MARK2: variants seen among roughly 807,000 people sequenced by gnomAD.
The protein encoded by MARK2 is microtubule affinity regulating kinase 2.
Under a neutral mutation model 89.8 loss-of-function variants are expected in MARK2, and 16 were observed. The observed-to-expected ratio is 0.18, with a 90% CI of 0.12 to 0.27. The LOEUF (loss-of-function observed/expected upper bound fraction) is 0.27, where lower values mean the gene tolerates loss of function less well. MARK2 is among the 10% of genes least tolerant of loss of function. The pLI is 1.00. For missense variants in MARK2, 621 were observed against 1,049.9 expected (o/e 0.59, Z 5.65); for synonymous variants, 382 against 399.5 (o/e 0.96, Z 0.52).
At chr11:63,850,475 T>C (rs1295448317) in intron 1 of MARK2, among the ~76,000 whole-genome samples, 4 of 151,988 alleles carry the variant, frequency 2.6e-5, no homozygotes, top group Non-Finnish European at 5.9e-5. Context: ...CCTAGTTTGC[T>C]TTTTTACCAA....
chr11:63,900,714 G>A lies in MARK2; in HGVS notation c.888+36G>A. The A allele has an allele frequency of 1.2e-6, 2 of 1,613,686 alleles. No individual in the cohort carries two copies. The highest frequency in any genetic ancestry group is 1.7e-6 in the Non-Finnish European group (2 of 1,179,630). ...GAGCCCAACTGGCGGAAGGGCCTGG[G>A]GTCCCCACAGAAACTTTCCAGCTGA... On this transcript the variant is annotated intron_variant, in intron 9 of 18. Coordinates refer to ENST00000402010, the MANE Select transcript of MARK2 (RefSeq NM_001039469.3). This position sits in a 1 kb window ranked among gnomAD's most constrained non-coding sequence, Gnocchi z 4.7.
At chr11:63,855,466 A>G (rs747661543) in intron 1 of MARK2, among the ~76,000 whole-genome samples, 7 of 151,882 alleles carry the variant, frequency 4.6e-5, no homozygotes, top group Non-Finnish European at 7.4e-5. Flanking sequence ...AGGCTGTAGT[A>G]AGTTGTGATT....
chr11:63,889,021 C>G, intron 1 of MARK2: 1 of 1,274,174 alleles, frequency 7.8e-7, no homozygotes, highest in East Asian at 4.6e-5. Flanking sequence ...TTCCTCTCAT[C>G]TCAAACATAG....
chr11:63,909,289 G>GGCCGCTGC lies in MARK2; in HGVS notation c.*58_*65dup. Reference sequence around the variant, plus strand: ...GGGCGGGCCAGCTGGACGGGCTGCCGGCCGCTGCGCCGCCCCACCTGGGCG... The same window carrying GGCCGCTGC: ...GGGCGGGCCAGCTGGACGGGCTGCCGGCCGCTGCGCCGCTGCGCCGCCCCACCTGGGCG... On this transcript the variant is annotated 3_prime_UTR_variant, in exon 19 of 19. Coordinates refer to ENST00000402010, the MANE Select transcript of MARK2 (RefSeq NM_001039469.3). 1 of 1,488,596 alleles carries GGCCGCTGC rather than the reference G, an allele frequency of 6.7e-7. No homozygotes were observed. The highest frequency in any genetic ancestry group is 9.0e-7 in the Non-Finnish European group (1 of 1,115,728). The allele number at this position is 1,488,596 out of a possible 1,614,324, so 92.2% of individuals were successfully genotyped here. A position where few individuals can be genotyped will look rare whatever the true frequency, so the allele number is the denominator to read the frequency against.
In MARK2 at chr11:63,900,815, C is replaced by T. The variant is rs191213688; in HGVS notation, c.924C>T (p.His308=). ...IMKDRWMNVG[H]EDDELKPYVE... ...AAGATCGATGGATGAATGTGGGTCA[C>T]GAAGATGATGAACTAAAGCCTTACG... The change falls in exon 10 of 19, where the codon CAC becomes CAT. Residue 308 remains histidine, a synonymous_variant. Transcript: ENST00000402010. This position sits in a 1 kb window ranked among gnomAD's most constrained non-coding sequence, Gnocchi z 4.7. The T allele has an allele frequency of 1.4e-4, 218 of 1,614,094 alleles. 3 individuals carry two copies. In the East Asian group the frequency reaches 1.4e-3, roughly 10 times the overall value.
chr11:63,890,764 ATTGC>A (rs1178563309), intron 1 of MARK2, among the ~76,000 whole-genome samples: 1 of 152,226 alleles, frequency 6.6e-6, no homozygotes, highest in African/African-American at 2.4e-5. Context: ...GGACATAATG[ATTGC>A]TCTTATTGAA....
chr11:63,874,664 GC>G (rs1156353265), intron 1 of MARK2, among the ~76,000 whole-genome samples: 1 of 152,174 alleles, frequency 6.6e-6, no homozygotes, highest in African/African-American at 2.4e-5. Context: ...CGCAGGGTTT[GC>G]CCCCTCCCCT....
chr11:63,905,112 G>A, intron 16 of MARK2, 69 bp downstream of exon 16: 8 of 1,467,512 alleles, frequency 5.5e-6, no homozygotes, highest in Non-Finnish European at 7.4e-6. Flanking sequence ...GGGTGGGTTG[G>A]GGGTTGGGGG....
chr11:63,853,405 A>AG (rs2016673703), intron 1 of MARK2, among the ~76,000 whole-genome samples: 1 of 152,170 alleles, frequency 6.6e-6, no homozygotes, highest in Non-Finnish European at 1.5e-5. Context: ...AAAAAAAAAA[A>AG]AAGATGTAGC....
At chr11:63,907,134 G>A (rs1338883864) in intron 17 of MARK2, among the ~76,000 whole-genome samples, 1 of 152,196 alleles carries the variant, frequency 6.6e-6, no homozygotes, top group Non-Finnish European at 1.5e-5. Context: ...TGTTCCCCAA[G>A]GCTGTCTGCT....
chr11:63,879,376 C>T (rs1337399159), intron 1 of MARK2, among the ~76,000 whole-genome samples: 1 of 152,054 alleles, frequency 6.6e-6, no homozygotes, highest in African/African-American at 2.4e-5. Context: ...AAGTTGTCCT[C>T]CTATATGCCA....
chr11:63,902,659 C>T lies in MARK2; in HGVS notation c.1293C>T (p.Asn431=). Residue 431 remains asparagine (N), a synonymous_variant, in exon 13 of 19, where the codon AAC becomes AAT. Coordinates refer to ENST00000402010, the MANE Select transcript of MARK2 (RefSeq NM_001039469.3). The surrounding 1 kb of genome is among the most constrained non-coding windows in gnomAD (Gnocchi z 4.2). ...NSYSKKTQSN[N]AENKRPEEDR... ...ACTCTAAGAAGACTCAGAGTAACAACGCAGAAAATAAGCGGCCTGAGGAGG... is the reference window on the plus strand; with the variant it reads ...ACTCTAAGAAGACTCAGAGTAACAATGCAGAAAATAAGCGGCCTGAGGAGG... 3.1e-6 allele frequency: 5 copies of T among 1,614,148 alleles called. No individual in the cohort carries two copies. The highest frequency in any genetic ancestry group is 4.2e-6 in the Non-Finnish European group (5 of 1,180,018).
intron 1 of MARK2, among the ~76,000 whole-genome samples, chr11:63,842,500 C>G (rs554333062): frequency 2.0e-5 from 3 of 152,056 alleles, no homozygotes; most frequent in African/African-American, 7.2e-5. Flanking sequence ...GCCACTGCGC[C>G]GGGCCTGATT....
Position 63,904,978 on chromosome 11 carries a change from C to G in MARK2, c.1869C>G (p.His623Gln). ...YGVTPASPSG[H>Q]SQGRRGASGS... ...TGACCCCAGCCTCTCCCTCTGGCCA[C>G]AGCCAGGGCCGGCGGGGGGCCTCTG... Residue 623 changes from histidine to glutamine, a missense_variant, in exon 16 of 19, where the codon CAC becomes CAG. His to Gln is a conservative substitution (Grantham distance 24). Coordinates refer to ENST00000402010, the MANE Select transcript of MARK2 (RefSeq NM_001039469.3). This position sits in a 1 kb window ranked among gnomAD's most constrained non-coding sequence, Gnocchi z 6.3. The G allele has an allele frequency of 6.2e-7, 1 of 1,614,192 alleles. No homozygotes were observed. The highest frequency in any genetic ancestry group is 8.5e-7 in the Non-Finnish European group (1 of 1,180,016).
At chr11:63,882,116 A>G (rs1163193082) in intron 1 of MARK2, among the ~76,000 whole-genome samples, 1 of 152,174 alleles carries the variant, frequency 6.6e-6, no homozygotes, top group Non-Finnish European at 1.5e-5. Flanking sequence ...CATAGGATAG[A>G]TGACCACTTT....
Position 63,895,220 on chromosome 11 carries a change from A to G in MARK2, c.116A>G (p.Asn39Ser). 5 of 1,614,092 alleles carry G rather than the reference A, an allele frequency of 3.1e-6. No homozygotes were observed. Among genetic ancestry groups the G allele is most frequent in the Non-Finnish European group, 4.2e-6 (5 of 1,180,006 alleles). ...AAGTCCAACATGATTCGGGGCCGCA[A>G]CTCAGCCACCTCTGCTGATGAGCAG... Reference protein sequence around the residue: ...SSKSNMIRGRNSATSADEQPH... With the variant: ...SSKSNMIRGRSSATSADEQPH... Residue 39 changes from asparagine (N) to serine (S), a missense_variant, in exon 2 of 19, where the codon AAC (asparagine) becomes AGC (serine). Physicochemically the swap from Asn to Ser is conservative, Grantham distance 46. This residue lies in a region of MARK2 where 60 missense variants were observed against 73.2 expected (regional missense o/e 0.82). Coordinates refer to ENST00000402010, the MANE Select transcript of MARK2 (RefSeq NM_001039469.3).
At chr11:63,878,291 C>T (rs956540074) in intron 1 of MARK2, among the ~76,000 whole-genome samples, 17 of 151,944 alleles carry the variant, frequency 1.1e-4, no homozygotes, top group Admixed American at 5.9e-4. Flanking sequence ...GTTTATATCT[C>T]CTCAGAACCT....
At chr11:63,843,331 C>G (rs568583825) in intron 1 of MARK2, among the ~76,000 whole-genome samples, 2 of 152,254 alleles carry the variant, frequency 1.3e-5, no homozygotes, top group South Asian at 2.1e-4. Flanking sequence ...TCCATAACAC[C>G]TGGGGGAGAG....
At chr11:63,852,427 T>G (rs1188658576) in intron 1 of MARK2, among the ~76,000 whole-genome samples, 1 of 152,156 alleles carries the variant, frequency 6.6e-6, no homozygotes, top group Non-Finnish European at 1.5e-5. Flanking sequence ...GTAAAAACTT[T>G]TGGGAAAACT....
Sources: gnomAD v4.1 joint callset for allele counts (sites outside exome capture counted in the v4.1 genomes callset) on GRCh38, gnomAD v4.1.1 for gene constraint, gnomAD v4.1.1 regional missense constraint, Gnocchi (gnomAD v3.1) non-coding constraint, MANE v1.5 for transcripts, NCBI Gene and HGNC (gene_info 2026-07-23, HGNC 2026-07-21) for gene names.